NMNAT2: variants seen among roughly 807,000 people sequenced by gnomAD.
NMNAT2 encodes the protein nicotinamide nucleotide adenylyltransferase 2.
Under a neutral mutation model 41.6 loss-of-function variants are expected in NMNAT2, and 11 were observed. The ratio of observed to expected loss-of-function variants is 0.26; its 90% CI spans 0.17 to 0.44. The LOEUF is 0.44. Ranked by LOEUF, NMNAT2 falls within the 20% of genes least tolerant of loss-of-function variation. NMNAT2 has a pLI of 1.00. For missense variants in NMNAT2, 288 were observed against 407.7 expected (o/e 0.71, Z 2.53); for synonymous variants, 148 against 151.2 (o/e 0.98, Z 0.16).
intron 8 of NMNAT2, among the ~76,000 whole-genome samples, chr1:183,265,258 C>CTTTTTTTTTTTT (rs67117635): frequency 1.9e-4 from 12 of 64,570 alleles, no homozygotes; most frequent in East Asian, 5.0e-4. Context: ...TCTTCTTCTT[C>CTTTTTTTTTTTT]TTTTTTTTTT....
intron 10 of NMNAT2, among the ~76,000 whole-genome samples, chr1:183,253,987 T>C (rs1406286788): frequency 5.3e-5 from 8 of 151,930 alleles, no homozygotes; most frequent in African/African-American, 1.9e-4. Context: ...TATTCATCCA[T>C]TGATGGACGT....
chr1:183,304,739 T>G, intron 1 of NMNAT2: 1 of 1,613,962 alleles, frequency 6.2e-7, no homozygotes, highest in Non-Finnish European at 8.5e-7. Flanking sequence ...TGGATTTCCA[T>G]CTATTTGTCT....
chr1:183,349,488 G>A (rs1662999222), intron 1 of NMNAT2, among the ~76,000 whole-genome samples: 1 of 152,222 alleles, frequency 6.6e-6, no homozygotes, highest in Non-Finnish European at 1.5e-5. Flanking sequence ...TCCAGCCCCC[G>A]CTGAGAATTT....
chr1:183,368,852 C>T (rs996089881), intron 1 of NMNAT2, among the ~76,000 whole-genome samples: 5 of 152,206 alleles, frequency 3.3e-5, no homozygotes, highest in Admixed American at 6.5e-5. Flanking sequence ...ACATCAGAGC[C>T]GGCAACTCAT....
chr1:183,261,997 C>G (rs1660671406), intron 8 of NMNAT2, among the ~76,000 whole-genome samples: 1 of 151,942 alleles, frequency 6.6e-6, no homozygotes, highest in African/African-American at 2.4e-5. Context: ...AAGATCATGG[C>G]TCACTGTAGC....
At chr1:183,393,787 C>G (rs1458212012) in intron 1 of NMNAT2, among the ~76,000 whole-genome samples, 1 of 152,144 alleles carries the variant, frequency 6.6e-6, no homozygotes, top group Non-Finnish European at 1.5e-5. Context: ...AACTCCTGAC[C>G]TCAGGTAATC....
Position 183,290,127 on chromosome 1 carries a change from C to G in NMNAT2, c.321+1G>C. Reference sequence around the variant, plus strand: ...GCATCCCCAGGCTTGGCCCAGCTCACCTTCATGAGGTCCCGGTGGTGTTCC... The same window carrying G: ...GCATCCCCAGGCTTGGCCCAGCTCAGCTTCATGAGGTCCCGGTGGTGTTCC... On this transcript the variant is annotated splice_donor_variant, in intron 4 of 10. Coordinates refer to ENST00000287713, the MANE Select transcript of NMNAT2 (RefSeq NM_015039.4). LOFTEE classifies it high-confidence loss of function. 2 of 1,573,368 alleles carry G rather than the reference C, an allele frequency of 1.3e-6. No individual in the cohort carries two copies. Among genetic ancestry groups the G allele is most frequent in the Non-Finnish European group, 1.7e-6 (2 of 1,158,076 alleles).
At chr1:183,260,322 C>G (rs1660625142) in intron 10 of NMNAT2, among the ~76,000 whole-genome samples, 1 of 152,226 alleles carries the variant, frequency 6.6e-6, no homozygotes, top group Non-Finnish European at 1.5e-5. Flanking sequence ...TAGATTCCAT[C>G]TTTGACTTCA....
chr1:183,317,232 C>G (rs776851921), intron 1 of NMNAT2, among the ~76,000 whole-genome samples: 1 of 152,166 alleles, frequency 6.6e-6, no homozygotes, highest in South Asian at 2.1e-4. Flanking sequence ...TTCATCCCCC[C>G]GTATTTCAGC....
chr1:183,389,826 A>T (rs1648408394), intron 1 of NMNAT2, among the ~76,000 whole-genome samples: 1 of 77,162 alleles, frequency 1.3e-5, no homozygotes, highest in African/African-American at 4.2e-5. Context: ...GAAAGAAAGA[A>T]AGAAAGAAAG....
chr1:183,333,166 G>A (rs1662619093), intron 1 of NMNAT2, among the ~76,000 whole-genome samples: 1 of 152,124 alleles, frequency 6.6e-6, no homozygotes, highest in Admixed American at 6.5e-5. Context: ...AACTCTCCAG[G>A]GGATACCTGG....
At chr1:183,290,520 C>T (rs1336722431) in intron 3 of NMNAT2, 1 of 286,046 alleles carries the variant, frequency 3.5e-6, no homozygotes, top group Non-Finnish European at 6.5e-6. Context: ...GCCTCACCTT[C>T]CCCATCTGTA....
intron 1 of NMNAT2, among the ~76,000 whole-genome samples, chr1:183,354,354 G>C (rs566546412): frequency 1.3e-5 from 2 of 150,198 alleles, no homozygotes; most frequent in Admixed American, 1.3e-4. Flanking sequence ...AGGAATCATC[G>C]TATCTGTCCT....
intron 1 of NMNAT2, among the ~76,000 whole-genome samples, chr1:183,333,065 T>C (rs931611999): frequency 5.3e-5 from 8 of 152,074 alleles, no homozygotes; most frequent in African/African-American, 9.7e-5. Flanking sequence ...CTGACTCCCA[T>C]TGGAAAACCC....
chr1:183,405,877 T>C (rs138674817), intron 1 of NMNAT2, among the ~76,000 whole-genome samples: 1 of 152,230 alleles, frequency 6.6e-6, no homozygotes, highest in Non-Finnish European at 1.5e-5. Context: ...TTATTCCCAG[T>C]GTGTGGTTGA....
chr1:183,410,552 A>G (rs886530954), intron 1 of NMNAT2, among the ~76,000 whole-genome samples: 3 of 151,970 alleles, frequency 2.0e-5, no homozygotes, highest in Non-Finnish European at 4.4e-5. Context: ...CCACTAAAAA[A>G]AATGCTGGGT....
chr1:183,271,476 G>A (rs1052783513), intron 8 of NMNAT2, among the ~76,000 whole-genome samples: 1 of 152,168 alleles, frequency 6.6e-6, no homozygotes, highest in African/African-American at 2.4e-5. Context: ...CAGGTACTTT[G>A]TCTACTTTGT....
At chr1:183,309,889 T>C (rs1257977660) in intron 1 of NMNAT2, among the ~76,000 whole-genome samples, 2 of 152,228 alleles carry the variant, frequency 1.3e-5, no homozygotes, top group East Asian at 3.8e-4. Flanking sequence ...ATTTTTTAGC[T>C]AAAGGTGCAG....
At chr1:183,377,292 A>C (rs1046879808) in intron 1 of NMNAT2, among the ~76,000 whole-genome samples, 1 of 152,022 alleles carries the variant, frequency 6.6e-6, no homozygotes, top group Non-Finnish European at 1.5e-5. Flanking sequence ...TAATCAGAAC[A>C]TCAGAGAAGG....
Sources: gnomAD v4.1 joint callset for allele counts (sites outside exome capture counted in the v4.1 genomes callset) on GRCh38, gnomAD v4.1.1 for gene constraint, MANE v1.5 for transcripts, NCBI Gene and HGNC (gene_info 2026-07-23, HGNC 2026-07-21) for gene names.